Variants in CATSPERT observed in about 807,000 individuals in gnomAD.
The protein encoded by CATSPERT is catsper channel auxiliary subunit tau, also known as cation channel sperm-associated targeting subunit tau.
the CATSPERT span, among the ~76,000 whole-genome samples, chr2:201,593,569 A>G: frequency 1.6e-5 from 1 of 60,642 alleles, no homozygotes. Flanking sequence ...TCTAATGTTG[A>G]CAGTGGGGTG....
chr2:201,581,658 G>A, the CATSPERT span, among the ~76,000 whole-genome samples: 1 of 142,838 alleles, frequency 7.0e-6, no homozygotes, highest in African/African-American at 2.6e-5. Context: ...GCCCAGGCTG[G>A]AGTGCAATGG....
the CATSPERT span, chr2:201,487,628 AT>A: frequency 2.9e-5 from 46 of 1,608,390 alleles, no homozygotes; most frequent in African/African-American, 1.1e-4. Context: ...TCCTCTTTTA[AT>A]TTTTTTTGGC....
chr2:201,524,703 G>A, the CATSPERT span, among the ~76,000 whole-genome samples: 1 of 152,156 alleles, frequency 6.6e-6, no homozygotes, highest in African/African-American at 2.4e-5. Context: ...AGACCCAACT[G>A]TATGGTGTCC....
the CATSPERT span, chr2:201,535,698 G>A: frequency 6.4e-6 from 8 of 1,248,910 alleles, no homozygotes; most frequent in East Asian, 2.5e-4. Flanking sequence ...TATAAGTAAA[G>A]CAGGAATATT....
chr2:201,491,592 A>G, the CATSPERT span: 1 of 1,537,108 alleles, frequency 6.5e-7, no homozygotes, highest in Non-Finnish European at 8.7e-7. Flanking sequence ...CAGTCTCTGT[A>G]TTGAAATGAG....
the CATSPERT span, among the ~76,000 whole-genome samples, chr2:201,500,585 A>G: frequency 6.6e-6 from 1 of 152,134 alleles, no homozygotes. Flanking sequence ...ATGTAACTGA[A>G]CTTGTCTTTT....
At chr2:201,494,854 G>T in the CATSPERT span, 1 of 1,271,146 alleles carries the variant, frequency 7.9e-7, no homozygotes, top group Non-Finnish European at 1.0e-6. Context: ...ATCTGTCAAT[G>T]TATCTATTCA....
At chr2:201,574,204 C>T in the CATSPERT span, 5 of 1,596,780 alleles carry the variant, frequency 3.1e-6, no homozygotes, top group Non-Finnish European at 4.3e-6. Flanking sequence ...AAGAGGGGAA[C>T]TAACCTGATG....
chr2:201,563,063 AG>A, the CATSPERT span, among the ~76,000 whole-genome samples: 8 of 150,458 alleles, frequency 5.3e-5, no homozygotes, highest in Admixed American at 3.3e-4. Context: ...GGCCGGGCAG[AG>A]GGGCTCCTCA....
chr2:201,594,981 CAA>C, the CATSPERT span, among the ~76,000 whole-genome samples: 1 of 152,200 alleles, frequency 6.6e-6, no homozygotes. Flanking sequence ...CTCAGCTCGT[CAA>C]AGTCATTCTC....
the CATSPERT span, among the ~76,000 whole-genome samples, chr2:201,591,742 A>T: frequency 6.6e-6 from 1 of 151,764 alleles, no homozygotes; most frequent in African/African-American, 2.4e-5. Context: ...ATTCTCTTTG[A>T]AGCAATTGTG....
At chr2:201,589,939 A>G in the CATSPERT span, among the ~76,000 whole-genome samples, 149,372 of 152,166 alleles carry the variant, frequency 0.98, 73,362 homozygotes, top group East Asian at 1. Context: ...ATTAAAAAGC[A>G]GACAAAGGAC....
At chr2:201,566,479 G>T in the CATSPERT span, among the ~76,000 whole-genome samples, 1 of 151,598 alleles carries the variant, frequency 6.6e-6, no homozygotes, top group South Asian at 2.1e-4. Context: ...CCTTGCGATA[G>T]TTTGCTCAGA....
chr2:201,585,454 C>G, the CATSPERT span, among the ~76,000 whole-genome samples: 711 of 147,942 alleles, frequency 4.8e-3, 6 homozygotes, highest in Non-Finnish European at 7.6e-3. Flanking sequence ...ATGTCACCAA[C>G]TAACTCTCAT....
the CATSPERT span, among the ~76,000 whole-genome samples, chr2:201,532,030 G>GA: frequency 6.6e-6 from 1 of 152,324 alleles, no homozygotes; most frequent in East Asian, 1.9e-4. Flanking sequence ...AGACAGGAGA[G>GA]ATGAAAGTAG....
At chr2:201,606,436 A>C in the CATSPERT span, among the ~76,000 whole-genome samples, 1 of 152,202 alleles carries the variant, frequency 6.6e-6, no homozygotes, top group Admixed American at 6.5e-5. Flanking sequence ...TATCCAACCA[A>C]GTCTATTTTT....
chr2:201,568,904 A>T, the CATSPERT span, among the ~76,000 whole-genome samples: 1 of 152,200 alleles, frequency 6.6e-6, no homozygotes, highest in Non-Finnish European at 1.5e-5. Context: ...TAACCACTGG[A>T]TATGTTCAGG....
At chr2:201,495,626 A>T in the CATSPERT span, among the ~76,000 whole-genome samples, 1 of 150,720 alleles carries the variant, frequency 6.6e-6, no homozygotes, top group East Asian at 1.9e-4. Context: ...GATGCAACTT[A>T]TTGTAACTGG....
At chr2:201,585,313 C>T in the CATSPERT span, among the ~76,000 whole-genome samples, 1 of 151,296 alleles carries the variant, frequency 6.6e-6, no homozygotes, top group Non-Finnish European at 1.5e-5. Context: ...CAGCAAACCA[C>T]CATGGCACGT....
Sources: gnomAD v4.1 joint callset for allele counts (sites outside exome capture counted in the v4.1 genomes callset) on GRCh38, gnomAD v4.1.1 for gene constraint, MANE v1.5 for transcripts, NCBI Gene and HGNC (gene_info 2026-07-23, HGNC 2026-07-21) for gene names.